Variants in GUCA1B observed in about 807,000 individuals in gnomAD.
GUCA1B encodes guanylate cyclase activator 1B, also known as guanylyl cyclase-activating protein 2.
A neutral mutation model predicts 24.2 loss-of-function variants in GUCA1B; 22 were observed. The observed-to-expected ratio is 0.91, with a 90% CI of 0.65 to 1.30. The LOEUF is 1.30. Among genes scored for constraint, GUCA1B ranks in the 50% most tolerant of loss-of-function variants. The probability of loss-of-function intolerance (pLI) is 0.00; values close to 1 mark genes in which losing one functional copy is unlikely to be tolerated. For missense variants in GUCA1B, 221 were observed against 258.8 expected, an observed-to-expected ratio of 0.85 and a Z score of 1.00; for synonymous variants, 100 against 97.9, an observed-to-expected ratio of 1.02 and a Z score of -0.13.
chr6:42,187,336 C>G (rs1768211010), intron 2 of GUCA1B, among the ~76,000 whole-genome samples: 1 of 151,988 alleles, frequency 6.6e-6, no homozygotes, highest in Non-Finnish European at 1.5e-5. Flanking sequence ...GATCTCCTGA[C>G]CTCGTGATCT....
chr6:42,191,299 A>G (rs139542566), intron 1 of GUCA1B, among the ~76,000 whole-genome samples: 108 of 152,218 alleles, frequency 7.1e-4, no homozygotes, highest in Middle Eastern at 3.4e-3. Context: ...GGCAACCACG[A>G]GAGTTGCAAG....
rs1768160137 is a variant in GUCA1B, at chr6:42,184,491, G to A, written c.*324C>T. ...TGGTCTGTGGGACCCTCACCCCTCA[G>A]TTGGCTCTTGCTTCCAACTGAGAAC... On this transcript the variant is annotated 3_prime_UTR_variant, in exon 4 of 4. Coordinates refer to ENST00000230361, the MANE Select transcript of GUCA1B (RefSeq NM_002098.6). The A allele has an allele frequency of 1.8e-5, 7 of 398,160 alleles. No homozygotes were observed. The highest frequency in any genetic ancestry group is 1.5e-4 in the South Asian group (7 of 46,972). 24.7% of individuals were successfully genotyped at this position (398,160 alleles called of 1,614,324 possible).
At chr6:42,189,831 G>C (rs963542557) in intron 1 of GUCA1B, among the ~76,000 whole-genome samples, 1 of 152,210 alleles carries the variant, frequency 6.6e-6, no homozygotes, top group African/African-American at 2.4e-5. Flanking sequence ...TGTGTTTGGG[G>C]TGACAGGCTG....
rs1220194819 is a variant in GUCA1B at position 42,188,684 on chromosome 6, C to T, written c.255G>A (p.Val85=). 1 of 1,614,114 alleles carries T rather than the reference C, an allele frequency of 6.2e-7. No individual in the cohort carries two copies. Among genetic ancestry groups the T allele is most frequent in the Non-Finnish European group, 8.5e-7 (1 of 1,180,010 alleles). The change falls in exon 2 of 4, where the codon GTG becomes GTA. Residue 85 remains valine (V), a synonymous_variant. Transcript: ENST00000230361. ...GCTTGTGCTCCAGGGTGCCCCTCAG[C>T]ACGAGATTCAGAGCTGCCACGTACT... The part of the protein sequence containing the change: ...FLEYVAALNL[V]LRGTLEHKLK...
intron 1 of GUCA1B, among the ~76,000 whole-genome samples, chr6:42,192,052 G>A (rs137920599): frequency 7.4e-4 from 99 of 132,908 alleles, no homozygotes; most frequent in African/African-American, 1.2e-3. Flanking sequence ...AAAAAAAAAA[G>A]AAAAAAAAAA....
chr6:42,185,014 C>G (rs1768170285), intron 3 of GUCA1B, 72 bp from the exon 4 acceptor site: 1 of 1,474,362 alleles, frequency 6.8e-7, no homozygotes, highest in African/African-American at 1.4e-5. Flanking sequence ...GAGGAGAGAC[C>G]TCGCTCCCAG....
rs148634010 is a variant in GUCA1B, at chr6:42,193,342, T to G, written c.207+1272A>C. Among the ~76,000 whole-genome samples, 42 of 152,166 alleles carry G rather than the reference T, an allele frequency of 2.8e-4. 1 individual carries two copies. The East Asian group carries it at 8.0e-3, about 29-fold the overall frequency. The stretch of plus-strand genomic sequence containing the variant: ...ATTGATGGACTTAAATGAGTCTTAT[T>G]ATTTATGACCTGATATATTTGTTTA... On this transcript the variant is annotated intron_variant, in intron 1 of 3. Coordinates refer to ENST00000230361, the MANE Select transcript of GUCA1B (RefSeq NM_002098.6).
At chr6:42,188,929 C>CTATATCTATATCA (rs1562063739) in intron 1 of GUCA1B, among the ~76,000 whole-genome samples, 198 bp from the exon 2 acceptor site, 12 of 134,094 alleles carry the variant, frequency 8.9e-5, no homozygotes, top group Admixed American at 5.7e-4. Context: ...CTCTCTCTCT[C>CTATATCTATATCA]TCTATCTGAC....
At chr6:42,186,604 A>G (rs1253130497) in intron 2 of GUCA1B, among the ~76,000 whole-genome samples, 1 of 149,246 alleles carries the variant, frequency 6.7e-6, no homozygotes, top group East Asian at 1.9e-4. Context: ...GAAAAAAAAA[A>G]GAAAGAAAGA....
Position 42,190,952 on chromosome 6 carries a change from T to C in GUCA1B, c.208-2221A>G, listed in dbSNP as rs555360519. On this transcript the variant is annotated intron_variant, in intron 1 of 3. Transcript: ENST00000230361. ...ATGACTCCTTGCCTTATATGAGACA[T>C]ATTCCAGAGTGATCTCTAGACAAGT... is the stretch of plus-strand genomic sequence containing the variant. Among the ~76,000 whole-genome samples, 155 of 152,290 alleles carry C rather than the reference T, an allele frequency of 1.0e-3. 1 individual carries two copies. Among genetic ancestry groups the C allele is most frequent in the African/African-American group, 3.6e-3 (150 of 41,556 alleles).
chr6:42,185,443 C>G (rs886209349), intron 3 of GUCA1B, among the ~76,000 whole-genome samples: 5 of 152,190 alleles, frequency 3.3e-5, no homozygotes, highest in African/African-American at 1.2e-4. Context: ...CTCCAAAGTT[C>G]CTATTCTTTC....
Position 42,183,727 on chromosome 6 carries a change from C to G in GUCA1B, c.*1088G>C, listed in dbSNP as rs76451756. On this transcript the variant is annotated 3_prime_UTR_variant, in exon 4 of 4. Transcript: ENST00000230361. ...TCCCCCAATTCTTGCCAGAGACAGACAGAAGTTTTCTCCATCCTTTAAAGA... is the reference window on the plus strand; with the variant it reads ...TCCCCCAATTCTTGCCAGAGACAGAGAGAAGTTTTCTCCATCCTTTAAAGA... Among the ~76,000 whole-genome samples, 2,184 of 152,214 alleles carry G rather than the reference C, an allele frequency of 0.014. 53 individuals are homozygous for G. The highest frequency in any genetic ancestry group is 0.05 in the African/African-American group (2,080 of 41,520).
At chr6:42,189,129 C>T (rs1300157374) in intron 1 of GUCA1B, among the ~76,000 whole-genome samples, 5 of 152,056 alleles carry the variant, frequency 3.3e-5, no homozygotes, top group Admixed American at 1.3e-4. Context: ...CCAAGCCTAC[C>T]CATCCTTCAA....
At chr6:42,193,069 A>T (rs1430060458) in intron 1 of GUCA1B, among the ~76,000 whole-genome samples, 1 of 152,150 alleles carries the variant, frequency 6.6e-6, no homozygotes, top group African/African-American at 2.4e-5. Context: ...ATAAAATGTG[A>T]ATAACTGGGG....
At position 42,194,738 on chromosome 6, in the gene GUCA1B, A is replaced by G. The variant is rs757323534; in HGVS notation, c.83T>C (p.Phe28Ser). 2 of 1,612,692 alleles carry G rather than the reference A, an allele frequency of 1.2e-6. No homozygotes were observed. Among genetic ancestry groups the G allele is most frequent in the South Asian group, 1.1e-5 (1 of 90,940 alleles). The change falls in exon 1 of 4, where the codon TTT (phenylalanine) becomes TCT (serine). Residue 28 changes from phenylalanine to serine, a missense_variant. By Grantham distance (155) the Phe-to-Ser change is radical (BLOSUM62 -2). Coordinates refer to ENST00000230361, the MANE Select transcript of GUCA1B (RefSeq NM_002098.6). ...VAELQEWYKK[F>S]VMECPSGTLF... ...TGTGCCGCTGGGGCACTCCATCACA[A>G]ACTTCTTGTACCACTCCTGGAGCTC...
intron 2 of GUCA1B, among the ~76,000 whole-genome samples, chr6:42,186,483 C>T (rs2113844453): frequency 6.6e-6 from 1 of 152,272 alleles, no homozygotes; most frequent in African/African-American, 2.4e-5. Flanking sequence ...ATCCCACCTA[C>T]TCAGGAGGCT....
chr6:42,193,015 A>G (rs916010481), intron 1 of GUCA1B, among the ~76,000 whole-genome samples: 1 of 152,234 alleles, frequency 6.6e-6, no homozygotes, highest in Non-Finnish European at 1.5e-5. Flanking sequence ...TACATTATAT[A>G]TATGTATGTA....
At position 42,194,545 on chromosome 6, in the gene GUCA1B, C is replaced by T. The variant is rs1768363937; in HGVS notation, c.207+69G>A. Reference sequence around the variant, plus strand: ...GAGGAGTGGGGAACTGGGAGCTCTCCCTGAGGACACTTGTGGAGGAAGGCG... The same window carrying T: ...GAGGAGTGGGGAACTGGGAGCTCTCTCTGAGGACACTTGTGGAGGAAGGCG... On this transcript the variant is annotated intron_variant, in intron 1 of 3. Coordinates refer to ENST00000230361, the MANE Select transcript of GUCA1B (RefSeq NM_002098.6). The T allele has an allele frequency of 1.7e-5, 16 of 954,460 alleles. 1 individual carries two copies. In the South Asian group the frequency reaches 2.1e-4, roughly 12 times the overall value. The allele number at this position is 954,460 out of a possible 1,614,324, so 59.1% of individuals were successfully genotyped here. A position where few individuals can be genotyped will look rare whatever the true frequency, so the allele number is the denominator to read the frequency against.
intron 3 of GUCA1B, among the ~76,000 whole-genome samples, chr6:42,185,206 G>A (rs1013338751): frequency 6.6e-6 from 1 of 152,224 alleles, no homozygotes; most frequent in Admixed American, 6.5e-5. Context: ...GAGAGAGCTG[G>A]AGGGCTCAAG....
Sources: gnomAD v4.1 joint callset for allele counts (sites outside exome capture counted in the v4.1 genomes callset) on GRCh38, gnomAD v4.1.1 for gene constraint, MANE v1.5 for transcripts, NCBI Gene and HGNC (gene_info 2026-07-23, HGNC 2026-07-21) for gene names.